NAV2: variants seen among roughly 807,000 people sequenced by gnomAD.
The protein encoded by NAV2 is helicase, APC down-regulated 1.
A neutral mutation model predicts 223.2 loss-of-function variants in NAV2; 54 were observed. The observed-to-expected ratio is 0.24, with a 90% CI of 0.19 to 0.30. The LOEUF (loss-of-function observed/expected upper bound fraction) is 0.30. Among genes scored for constraint, NAV2 ranks in the 10% least tolerant of loss-of-function variants. The probability of loss-of-function intolerance (pLI) is 1.00; values close to 1 mark genes in which losing one functional copy is unlikely to be tolerated. For missense variants in NAV2, 2,806 were observed against 3,147.5 expected, an observed-to-expected ratio of 0.89 and a Z score of 2.60; for synonymous variants, 1,279 against 1,239.3, an observed-to-expected ratio of 1.03 and a Z score of -0.67.
intron 4 of NAV2, among the ~76,000 whole-genome samples, chr11:19,871,858 G>C (rs139403267): frequency 6.6e-6 from 1 of 152,118 alleles, no homozygotes; most frequent in African/African-American, 2.4e-5. Flanking sequence ...CCCACTTTGA[G>C]CGATTCTTAG....
intron 1 of NAV2, among the ~76,000 whole-genome samples, chr11:19,578,209 C>A (rs112204304): frequency 3.3e-5 from 5 of 152,340 alleles, no homozygotes; most frequent in Non-Finnish European, 7.3e-5. Context: ...GCTCTGCCTG[C>A]GAGCTGGGCT....
In NAV2 at chr11:20,068,157, G is replaced by T. The variant is rs771679870; in HGVS notation, c.4885-29G>T. ...TACACTATTCTTTGTTCCTTAACTG[G>T]TCTAATTTCCTTTATGTTTTCTTTA... On this transcript the variant is annotated intron_variant, in intron 20 of 37. Coordinates refer to ENST00000349880, the MANE Select transcript of NAV2 (RefSeq NM_145117.5). 2.5e-6 allele frequency: 4 copies of T among 1,610,872 alleles called. No homozygotes were observed. The South Asian group carries it at 3.3e-5, about 13-fold the overall frequency.
At chr11:19,544,191 G>T (rs2134565241) in intron 1 of NAV2, among the ~76,000 whole-genome samples, 1 of 152,334 alleles carries the variant, frequency 6.6e-6, no homozygotes, top group East Asian at 1.9e-4. Flanking sequence ...TGGCAGAGTT[G>T]ATTTCCATCA....
At chr11:19,463,057 G>C (rs1329334405) in intron 1 of NAV2, among the ~76,000 whole-genome samples, 1 of 152,208 alleles carries the variant, frequency 6.6e-6, no homozygotes, top group Non-Finnish European at 1.5e-5. Context: ...GTCAAATCCT[G>C]TGTCCATTAC....
chr11:19,946,699 C>A (rs1679216399), intron 9 of NAV2, among the ~76,000 whole-genome samples, 190 bp downstream of exon 9: 1 of 152,146 alleles, frequency 6.6e-6, no homozygotes, highest in Non-Finnish European at 1.5e-5. Flanking sequence ...TTAGTATAGA[C>A]AGATTTTTCC....
intron 3 of NAV2, among the ~76,000 whole-genome samples, chr11:19,843,758 TAAA>T (rs34850023): frequency 3.7e-4 from 50 of 135,254 alleles, no homozygotes; most frequent in Admixed American, 3.6e-4. Flanking sequence ...TCCAGAAATC[TAAA>T]AAAAAAAAAA....
intron 10 of NAV2, among the ~76,000 whole-genome samples, chr11:19,957,349 A>G (rs1296889111): frequency 1.3e-5 from 2 of 152,338 alleles, no homozygotes; most frequent in Non-Finnish European, 2.9e-5. Flanking sequence ...TAAATATCCC[A>G]GGCAAGTACA....
chr11:19,536,521 C>A (rs1490278980), intron 1 of NAV2, among the ~76,000 whole-genome samples: 2 of 152,218 alleles, frequency 1.3e-5, no homozygotes, highest in African/African-American at 4.8e-5. Context: ...TGCACTTTGA[C>A]AAGACTCCCC....
At chr11:19,348,887 T>C (rs1853139522), upstream of NAV2, among the ~76,000 whole-genome samples, 1 of 152,208 alleles carries the variant, frequency 6.6e-6, no homozygotes, top group Non-Finnish European at 1.5e-5. Flanking sequence ...GAGGTTTCAA[T>C]TGGATTCAGA....
intron 10 of NAV2, among the ~76,000 whole-genome samples, chr11:19,974,298 T>C: frequency 6.6e-6 from 1 of 152,180 alleles, no homozygotes; most frequent in East Asian, 1.9e-4. Flanking sequence ...GGGGAAAGGA[T>C]GAATAGGTGG....
rs754054735 is a variant in NAV2, at chr11:19,713,731, G to A, written c.36G>A (p.Ser12=). ...PAILVASKMK[S]GLPKPVHSAA... is the part of the protein sequence containing the mutation. ...TCCTGGTCGCCTCCAAAATGAAGTC[G>A]GGACTGCCCAAACCCGTGCACAGCG... Residue 12 remains serine (S), a synonymous_variant, in exon 1 of 38, where the codon TCG becomes TCA. Transcript: ENST00000349880. The surrounding 1 kb of genome is among the most constrained non-coding windows in gnomAD (Gnocchi z 7.2). 1 of 1,592,100 alleles carries A rather than the reference G, an allele frequency of 6.3e-7. No homozygotes were observed. Among genetic ancestry groups the A allele is most frequent in the Non-Finnish European group, 8.6e-7 (1 of 1,165,154 alleles).
At chr11:20,007,700 T>G (rs1020671175) in intron 11 of NAV2, among the ~76,000 whole-genome samples, 1 of 152,174 alleles carries the variant, frequency 6.6e-6, no homozygotes, top group African/African-American at 2.4e-5. Flanking sequence ...TCAGACTAAT[T>G]ATTTTTCTCT....
At chr11:20,093,351 C>T in intron 29 of NAV2, 152 bp downstream of exon 29, 1 of 619,438 alleles carries the variant, frequency 1.6e-6, no homozygotes, top group Non-Finnish European at 3.0e-6. Context: ...TAATCCCTTG[C>T]AGCATTCTGA....
chr11:19,707,726 T>C (rs1289496182), intron 1 of NAV2, among the ~76,000 whole-genome samples: 1 of 152,220 alleles, frequency 6.6e-6, no homozygotes, highest in Non-Finnish European at 1.5e-5. Context: ...ATCAACTATA[T>C]AAAGTATTAG....
At chr11:19,741,613 C>T (rs1399130785) in intron 1 of NAV2, among the ~76,000 whole-genome samples, 2 of 148,036 alleles carry the variant, frequency 1.4e-5, no homozygotes, top group African/African-American at 5.0e-5. Context: ...CATGTTGATG[C>T]AAATGGCATG....
chr11:19,868,872 C>T (rs1039699707), intron 3 of NAV2, 53 bp from the exon 4 acceptor site: 26 of 1,573,074 alleles, frequency 1.7e-5, no homozygotes, highest in Admixed American at 1.2e-4. Flanking sequence ...TAAGAGATGG[C>T]TCTGGAGAGG....
intron 1 of NAV2, among the ~76,000 whole-genome samples, chr11:19,485,730 T>G (rs992994638): frequency 1.9e-5 from 1 of 53,056 alleles, no homozygotes; most frequent in African/African-American, 4.8e-5. Flanking sequence ...TATTAAGGAT[T>G]TTTTTTTTTA....
intron 6 of NAV2, among the ~76,000 whole-genome samples, chr11:19,908,846 G>A (rs75785770): frequency 6.6e-6 from 1 of 151,994 alleles, no homozygotes; most frequent in Non-Finnish European, 1.5e-5. Flanking sequence ...TAGATTTGTG[G>A]TTGCTAGGGC....
At chr11:20,097,217 C>T (rs113937245) in intron 30 of NAV2, among the ~76,000 whole-genome samples, 34 of 152,276 alleles carry the variant, frequency 2.2e-4, no homozygotes, top group African/African-American at 6.0e-4. Context: ...ATTACTTTTT[C>T]GTGAATTTTC....
Sources: gnomAD v4.1 joint callset for allele counts (sites outside exome capture counted in the v4.1 genomes callset) on GRCh38, gnomAD v4.1.1 for gene constraint, Gnocchi (gnomAD v3.1) non-coding constraint, MANE v1.5 for transcripts, NCBI Gene and HGNC (gene_info 2026-07-23, HGNC 2026-07-21) for gene names.